ARHGAP24: variants seen among roughly 807,000 people sequenced by gnomAD.
ARHGAP24 encodes the protein Rho GTPase activating protein 24, also known as rho GTPase-activating protein 24.
A neutral mutation model predicts 76.4 loss-of-function variants in ARHGAP24; 50 were observed. The ratio of observed to expected loss-of-function variants is 0.65; its 90% confidence interval spans 0.52 to 0.83. The LOEUF is 0.83. Ranked by LOEUF, ARHGAP24 falls within the 40% of genes least tolerant of loss-of-function variation. The pLI is 0.00. For synonymous variants in ARHGAP24, 345 were observed against 323.3 expected (o/e 1.07, Z -0.72); for missense variants, 930 against 914.2 (o/e 1.02, Z -0.22).
At chr4:85,592,817 G>A (rs1022965653) in intron 2 of ARHGAP24, among the ~76,000 whole-genome samples, 1 of 152,118 alleles carries the variant, frequency 6.6e-6, no homozygotes, top group African/African-American at 2.4e-5. Context: ...CAAATGAAAG[G>A]ATGTCATTCT....
intron 3 of ARHGAP24, among the ~76,000 whole-genome samples, chr4:85,771,686 CTCTT>C: frequency 6.6e-6 from 1 of 152,146 alleles, no homozygotes; most frequent in South Asian, 2.1e-4. Flanking sequence ...TGTTCTATAC[CTCTT>C]TTTTTGTTTG....
intron 3 of ARHGAP24, among the ~76,000 whole-genome samples, chr4:85,737,146 T>G (rs1725636815): frequency 1.3e-5 from 2 of 151,908 alleles, no homozygotes; most frequent in African/African-American, 2.4e-5. Context: ...TTGTTTGTTT[T>G]TTGCATGATG....
chr4:85,507,931 G>A (rs1399025709), intron 1 of ARHGAP24, among the ~76,000 whole-genome samples: 1 of 151,704 alleles, frequency 6.6e-6, no homozygotes, highest in South Asian at 2.1e-4. Context: ...TATTAGAAAA[G>A]TATCTAAAAT....
intron 2 of ARHGAP24, among the ~76,000 whole-genome samples, chr4:85,672,380 C>T (rs977919663): frequency 6.6e-6 from 1 of 152,174 alleles, no homozygotes; most frequent in Non-Finnish European, 1.5e-5. Flanking sequence ...TTTCTCAACT[C>T]TCGGACTTCC....
chr4:85,775,624 G>A (rs1259034514), intron 3 of ARHGAP24, among the ~76,000 whole-genome samples: 1 of 152,086 alleles, frequency 6.6e-6, no homozygotes, highest in Non-Finnish European at 1.5e-5. Flanking sequence ...ACAACACCTG[G>A]GAATTATGGA....
intron 3 of ARHGAP24, among the ~76,000 whole-genome samples, chr4:85,849,422 A>G (rs1203828319): frequency 1.3e-5 from 2 of 152,182 alleles, no homozygotes; most frequent in African/African-American, 4.8e-5. Context: ...CTCCTTTCCT[A>G]ATCGAATAGC....
chr4:85,555,709 G>A (rs1185600301), intron 1 of ARHGAP24, among the ~76,000 whole-genome samples: 1 of 152,186 alleles, frequency 6.6e-6, no homozygotes, highest in Non-Finnish European at 1.5e-5. Context: ...CATGGGTAGG[G>A]ACATGTGGAA....
intron 3 of ARHGAP24, chr4:85,722,396 A>T (rs959544227): frequency 4.9e-6 from 1 of 202,450 alleles, no homozygotes; most frequent in Non-Finnish European, 1.0e-5. Context: ...AAAAAAAAAA[A>T]CAAAAAACAA....
At chr4:85,797,235 C>T (rs911278859) in intron 3 of ARHGAP24, among the ~76,000 whole-genome samples, 5 of 151,866 alleles carry the variant, frequency 3.3e-5, no homozygotes, top group African/African-American at 1.2e-4. Flanking sequence ...TGCAGTGGCG[C>T]AATCTCGGCT....
chr4:85,480,062 T>G (rs918516377), intron 1 of ARHGAP24, among the ~76,000 whole-genome samples: 3 of 152,198 alleles, frequency 2.0e-5, no homozygotes, highest in African/African-American at 2.4e-5. Flanking sequence ...TAACTGGAAA[T>G]GTACTTACTA....
chr4:85,861,815 T>C (rs1731918217), intron 3 of ARHGAP24, among the ~76,000 whole-genome samples: 1 of 152,082 alleles, frequency 6.6e-6, no homozygotes, highest in African/African-American at 2.4e-5. Context: ...CCTAAGGTTT[T>C]CCCTGCTTCC....
chr4:85,870,033 G>T lies in ARHGAP24; in HGVS notation c.269-53615G>T, dbSNP rs1202303289. ...CTGTAAAATGGGCCTGACAATAATA[G>T]TAGCTACCTAAGATATTGTGTGGAT... On this transcript the variant is annotated intron_variant, in intron 3 of 9. Transcript: ENST00000395184. Among the ~76,000 whole-genome samples the T allele has an allele frequency of 3.3e-5, 5 of 152,226 alleles. No homozygotes were observed. In the South Asian group the frequency reaches 1.0e-3, roughly 32 times the overall value.
intron 3 of ARHGAP24, among the ~76,000 whole-genome samples, chr4:85,772,287 T>G (rs769865314): frequency 1.3e-5 from 2 of 152,124 alleles, no homozygotes; most frequent in Admixed American, 6.5e-5. Context: ...CCAATCTAAT[T>G]GTCATTAACA....
At chr4:85,511,050 A>G (rs976040698) in intron 1 of ARHGAP24, among the ~76,000 whole-genome samples, 2 of 152,220 alleles carry the variant, frequency 1.3e-5, no homozygotes, top group Non-Finnish European at 2.9e-5. Context: ...CCCATAAAAT[A>G]CAAAGAATCC....
chr4:85,734,636 A>ATTTT (rs34647342), intron 3 of ARHGAP24, among the ~76,000 whole-genome samples: 12,912 of 101,792 alleles, frequency 0.13, 1,391 homozygotes, highest in East Asian at 0.3. Flanking sequence ...AATTCAGGGA[A>ATTTT]TTTTTTTTTT....
At chr4:85,668,013 A>C (rs939334507) in intron 2 of ARHGAP24, among the ~76,000 whole-genome samples, 1 of 152,240 alleles carries the variant, frequency 6.6e-6, no homozygotes, top group African/African-American at 2.4e-5. Flanking sequence ...AAATATTAAA[A>C]GTCTTGTAAA....
intron 4 of ARHGAP24, among the ~76,000 whole-genome samples, chr4:85,933,331 A>G (rs1169566736): frequency 6.6e-6 from 1 of 152,142 alleles, no homozygotes; most frequent in African/African-American, 2.4e-5. Context: ...GACATGCTGC[A>G]TTTCTAGCGG....
intron 2 of ARHGAP24, among the ~76,000 whole-genome samples, chr4:85,587,208 C>A (rs1027258423): frequency 6.6e-6 from 1 of 151,998 alleles, no homozygotes; most frequent in African/African-American, 2.4e-5. Context: ...CACATTGACC[C>A]CAAGTGGTAT....
In ARHGAP24 at chr4:85,566,896, A is replaced by G. The variant is rs1578041932; in HGVS notation, c.-20-3626A>G. 3.9e-5 allele frequency among the ~76,000 whole-genome samples: 6 copies of G among 152,302 alleles called. 1 individual carries two copies. The highest frequency in any genetic ancestry group is 3.9e-4 in the Admixed American group (6 of 15,284). On this transcript the variant is annotated intron_variant, in intron 1 of 9. Coordinates refer to ENST00000395184, the MANE Select transcript of ARHGAP24 (RefSeq NM_001025616.3). The stretch of plus-strand genomic sequence containing the variant: ...GATTTTAAGCCAAAACTTAGATAAA[A>G]AGGAGTTGAGCATGAAAAGAGCCCA...
Sources: gnomAD v4.1 joint callset for allele counts (sites outside exome capture counted in the v4.1 genomes callset) on GRCh38, gnomAD v4.1.1 for gene constraint, MANE v1.5 for transcripts, NCBI Gene and HGNC (gene_info 2026-07-23, HGNC 2026-07-21) for gene names.